RUNDC3A: variants seen among roughly 807,000 people sequenced by gnomAD.
RUNDC3A encodes the protein RUN domain containing 3A.
Under a neutral mutation model 53.9 loss-of-function variants are expected in RUNDC3A, and 28 were observed. The ratio of observed to expected loss-of-function variants is 0.52; its 90% confidence interval spans 0.38 to 0.71. The LOEUF (loss-of-function observed/expected upper bound fraction) is 0.71, where lower values mean the gene tolerates loss of function less well. RUNDC3A is among the 30% of genes least tolerant of loss of function. The pLI is 0.00. For synonymous variants in RUNDC3A, 232 were observed against 249.4 expected (o/e 0.93, Z 0.66); for missense variants, 491 against 597.3 (o/e 0.82, Z 1.85).
intron 10 of RUNDC3A, 39 bp downstream of exon 10, chr17:44,316,764 A>T: frequency 7.1e-7 from 1 of 1,417,698 alleles, no homozygotes; most frequent in African/African-American, 1.4e-5. Flanking sequence ...CCCCTCCAGA[A>T]AGGGCTGAGG....
chr17:44,313,529 C>T (rs1231078729), intron 4 of RUNDC3A, 26 bp downstream of exon 4: 1 of 1,600,954 alleles, frequency 6.2e-7, no homozygotes, highest in Non-Finnish European at 8.5e-7. Context: ...CAACTCAGAC[C>T]ACAGGTCTCA....
chr17:44,317,865 C>T (rs997401431), intron 10 of RUNDC3A: 17 of 593,398 alleles, frequency 2.9e-5, no homozygotes, highest in Non-Finnish European at 4.8e-5. Flanking sequence ...GAGAGGATGA[C>T]CCTCACGGGG....
chr17:44,313,571 T>C (rs752604211), intron 4 of RUNDC3A, 68 bp downstream of exon 4: 23 of 1,538,656 alleles, frequency 1.5e-5, no homozygotes, highest in Non-Finnish European at 2.0e-5. Flanking sequence ...ACACAGCTGA[T>C]CCTTAAGTTC....
chr17:44,316,634 C>T lies in RUNDC3A; in HGVS notation c.1107C>T (p.Ser369=), dbSNP rs1198295489. 1.3e-6 allele frequency: 2 copies of T among 1,551,274 alleles called. No individual in the cohort carries two copies. The highest frequency in any genetic ancestry group is 4.9e-5 in the East Asian group (2 of 40,930). The part of the protein sequence containing the change: ...SKLYRRHSFM[S]TEPLSAEASL... Reference sequence around the variant, plus strand: ...TCTGCCGCAGACACAGCTTCATGAGCACGGAGCCGCTGTCAGCTGAAGCCA... The same window carrying T: ...TCTGCCGCAGACACAGCTTCATGAGTACGGAGCCGCTGTCAGCTGAAGCCA... Residue 369 remains serine (S), a synonymous_variant, in exon 10 of 11, where the codon AGC becomes AGT. Transcript: ENST00000426726.
chr17:44,317,902 A>G, intron 10 of RUNDC3A, 194 bp from the exon 11 acceptor site: 1 of 603,492 alleles, frequency 1.7e-6, no homozygotes, highest in East Asian at 2.8e-5. Context: ...TGACGATTAC[A>G]ATACAGTGTC....
chr17:44,317,816 G>A, intron 10 of RUNDC3A: 1 of 594,022 alleles, frequency 1.7e-6, no homozygotes. Context: ...GCTTGGAACA[G>A]AGCGAGTGCT....
chr17:44,318,482 C>T lies in RUNDC3A; in HGVS notation c.*244C>T. 2 of 533,682 alleles carry T rather than the reference C, an allele frequency of 3.7e-6. No individual in the cohort carries two copies. Among genetic ancestry groups the T allele is most frequent in the Non-Finnish European group, 6.7e-6 (2 of 296,384 alleles). The allele number at this position is 533,682 out of a possible 1,614,324, so 33.1% of individuals were successfully genotyped here. ...AAGCCACAGGGAGCCCCTGGGGAAG[C>T]CTGCTCCATTCTTCTGGTGACCTTG... is the stretch of plus-strand genomic sequence containing the variant. On this transcript the variant is annotated 3_prime_UTR_variant, in exon 11 of 11. Coordinates refer to ENST00000426726, the MANE Select transcript of RUNDC3A (RefSeq NM_001144825.2).
chr17:44,316,633 G>A lies in RUNDC3A; in HGVS notation c.1106G>A (p.Ser369Asn). The A allele has an allele frequency of 1.3e-6, 2 of 1,551,218 alleles. No individual in the cohort carries two copies. Among genetic ancestry groups the A allele is most frequent in the Non-Finnish European group, 1.7e-6 (2 of 1,147,228 alleles). ...SKLYRRHSFMSTEPLSAEASL... is the reference protein window; with the variant it reads ...SKLYRRHSFMNTEPLSAEASL... Reference sequence around the variant, plus strand: ...CTCTGCCGCAGACACAGCTTCATGAGCACGGAGCCGCTGTCAGCTGAAGCC... The same window carrying A: ...CTCTGCCGCAGACACAGCTTCATGAACACGGAGCCGCTGTCAGCTGAAGCC... The change falls in exon 10 of 11, where the codon AGC (serine) becomes AAC (asparagine). Residue 369 changes from serine (S) to asparagine (N), a missense_variant. This residue lies in a region of RUNDC3A where 218 missense variants were observed against 208.2 expected (regional missense o/e 1.05). Coordinates refer to ENST00000426726, the MANE Select transcript of RUNDC3A (RefSeq NM_001144825.2).
At position 44,315,091 on chromosome 17, in the gene RUNDC3A, C is replaced by A. The variant is rs1197303998; in HGVS notation, c.630-64C>A. The A allele has an allele frequency of 7.5e-6, 12 of 1,606,574 alleles. No individual in the cohort carries two copies. Among genetic ancestry groups the A allele is most frequent in the Non-Finnish European group, 9.3e-6 (11 of 1,176,716 alleles). Reference sequence around the variant, plus strand: ...GACGTCCTGGTCCCACCGCCCTCAGCGGCCAGCGCAGACGCGCGGGGGGAG... The same window carrying A: ...GACGTCCTGGTCCCACCGCCCTCAGAGGCCAGCGCAGACGCGCGGGGGGAG... On this transcript the variant is annotated intron_variant, in intron 6 of 10. Transcript: ENST00000426726. This position sits in a 1 kb window ranked among gnomAD's most constrained non-coding sequence, Gnocchi z 6.1.
At position 44,312,040 on chromosome 17, in the gene RUNDC3A, C is replaced by T. The variant is rs116493757; in HGVS notation, c.108-540C>T. Reference sequence around the variant, plus strand: ...TACTGGGAGCCCACCTGGCCACCTGCGCATGCCCACACTCCATGTGCACAG... The same window carrying T: ...TACTGGGAGCCCACCTGGCCACCTGTGCATGCCCACACTCCATGTGCACAG... On this transcript the variant is annotated intron_variant, in intron 1 of 10. Coordinates refer to ENST00000426726, the MANE Select transcript of RUNDC3A (RefSeq NM_001144825.2). Among the ~76,000 whole-genome samples the T allele has an allele frequency of 6.5e-3, 987 of 152,276 alleles. 17 individuals carry two copies. Among genetic ancestry groups the T allele is most frequent in the African/African-American group, 0.022 (927 of 41,526 alleles).
At chr17:44,312,990 T>C in intron 2 of RUNDC3A, 114 bp from the exon 3 acceptor site, 1 of 1,202,264 alleles carries the variant, frequency 8.3e-7, no homozygotes, top group Non-Finnish European at 1.2e-6. Context: ...TGCATGTGTG[T>C]GCACAGATCT....
Position 44,308,900 on chromosome 17 carries a change from A to G in RUNDC3A, c.68A>G (p.Asn23Ser). The G allele has an allele frequency of 6.2e-7, 1 of 1,610,626 alleles. No homozygotes were observed. Among genetic ancestry groups the G allele is most frequent in the Non-Finnish European group, 8.5e-7 (1 of 1,178,346 alleles). Residue 23 changes from asparagine (N) to serine (S), a missense_variant, in exon 1 of 11, where the codon AAC (asparagine) becomes AGC (serine). Around this residue, in one of 2 missense-constraint regions of RUNDC3A, gnomAD observed 273 missense variants for 389.0 expected, o/e 0.70. Coordinates refer to ENST00000426726, the MANE Select transcript of RUNDC3A (RefSeq NM_001144825.2). The stretch of plus-strand genomic sequence containing the variant: ...TCCTCCAAGAAAGCGTCCTCTCGCA[A>G]CGTGGCTGTGGAGCGTAAGAACCTG... ...GLSSKKASSR[N>S]VAVERKNLIT...
chr17:44,311,910 G>A (rs3785818), intron 1 of RUNDC3A, among the ~76,000 whole-genome samples: 2 of 151,510 alleles, frequency 1.3e-5, no homozygotes, highest in African/African-American at 4.9e-5. Flanking sequence ...CCCATACCCC[G>A]CACCTCCCCA....
At chr17:44,312,982 C>T in intron 2 of RUNDC3A, 122 bp from the exon 3 acceptor site, 1 of 1,073,530 alleles carries the variant, frequency 9.3e-7, no homozygotes. Context: ...TGCACACGTG[C>T]ATGTGTGTGC....
rs1357694500 is a variant in RUNDC3A at position 44,318,080 on chromosome 17, T to C, written c.1199-16T>C. The C allele has an allele frequency of 3.9e-6, 6 of 1,549,416 alleles. No homozygotes were observed. The East Asian group carries it at 1.2e-4, about 32-fold the overall frequency. ...TGTAGACTGGTCGCTTGGCCTCACC[T>C]GCCCTCTCTCCCCAGGGAAGGACCC... On this transcript the variant is annotated splice_polypyrimidine_tract_variant and intron_variant, in intron 10 of 10. Coordinates refer to ENST00000426726, the MANE Select transcript of RUNDC3A (RefSeq NM_001144825.2).
At position 44,315,673 on chromosome 17, in the gene RUNDC3A, C is replaced by G; in HGVS notation, c.953+64C>G. ...CCCCGACCACATCACCGGGTGAACC[C>G]CATCTTCACTTCCATCGACTCTAAC... On this transcript the variant is annotated intron_variant, in intron 8 of 10. Transcript: ENST00000426726. This position sits in a 1 kb window ranked among gnomAD's most constrained non-coding sequence, Gnocchi z 6.1. 1 of 1,315,278 alleles carries G rather than the reference C, an allele frequency of 7.6e-7. No homozygotes were observed. Among genetic ancestry groups the G allele is most frequent in the Non-Finnish European group, 9.8e-7 (1 of 1,015,962 alleles). 81.5% of individuals were successfully genotyped at this position (1,315,278 alleles called of 1,614,324 possible).
chr17:44,315,039 G>GCTTGATGAGGAA lies in RUNDC3A; in HGVS notation c.629+30_629+31insCTTGATGAGGAA. 1 of 1,613,018 alleles carries GCTTGATGAGGAA rather than the reference G, an allele frequency of 6.2e-7. No individual in the cohort carries two copies. On this transcript the variant is annotated intron_variant, in intron 6 of 10. Transcript: ENST00000426726. This position sits in a 1 kb window ranked among gnomAD's most constrained non-coding sequence, Gnocchi z 6.1. Reference sequence around the variant, plus strand: ...GCGGCTCCATGACTGCGGCGGGGCGGGGGACGGGGCCTCGGGACATCCTGG... The same window carrying GCTTGATGAGGAA: ...GCGGCTCCATGACTGCGGCGGGGCGGCTTGATGAGGAAGGGACGGGGCCTCGGGACATCCTGG...
intron 10 of RUNDC3A, chr17:44,317,241 G>A (rs2047885488): frequency 3.4e-6 from 2 of 596,044 alleles, no homozygotes; most frequent in South Asian, 2.0e-5. Context: ...AAATCTGGCT[G>A]TGCCTCCTCT....
intron 1 of RUNDC3A, among the ~76,000 whole-genome samples, chr17:44,309,643 C>T (rs1389493274): frequency 6.6e-6 from 1 of 152,088 alleles, no homozygotes; most frequent in Non-Finnish European, 1.5e-5. Context: ...CCTGCCCTGC[C>T]CTGTCCCAAA....
Sources: allele counts gnomAD v4.1 joint callset (sites outside exome capture counted in the v4.1 genomes callset), GRCh38; gene constraint gnomAD v4.1.1; regional missense constraint gnomAD v4.1.1; non-coding constraint Gnocchi (gnomAD v3.1); transcripts MANE v1.5; gene names NCBI Gene and HGNC (gene_info 2026-07-23, HGNC 2026-07-21).